The following RAB27B variants were observed in gnomAD, a reference collection of about 807,000 sequenced individuals.
The protein encoded by RAB27B is ras-related protein Rab-27B.
In RAB27B, 15 loss-of-function variants were observed where a neutral mutation model predicts 24.6. The observed-to-expected ratio is 0.61, with a 90% CI of 0.41 to 0.94. The LOEUF is 0.94. Ranked by LOEUF, RAB27B falls within the 40% of genes least tolerant of loss-of-function variation. The probability of loss-of-function intolerance (pLI) is 0.00; values close to 1 mark genes in which losing one functional copy is unlikely to be tolerated. For synonymous variants in RAB27B, 105 were observed against 92.5 expected, an observed-to-expected ratio of 1.14 and a Z score of -0.78; for missense variants, 261 against 266.8, an observed-to-expected ratio of 0.98 and a Z score of 0.15.
At chr18:54,840,274 T>A (rs1003637368) in intron 1 of RAB27B, among the ~76,000 whole-genome samples, 2 of 152,214 alleles carry the variant, frequency 1.3e-5, no homozygotes, top group Admixed American at 1.3e-4. Context: ...TTTTCTACAA[T>A]GCTTAGTGCC....
intron 2 of RAB27B, among the ~76,000 whole-genome samples, chr18:54,788,030 A>G (rs778095176): frequency 1.3e-5 from 2 of 152,228 alleles, no homozygotes; most frequent in Non-Finnish European, 2.9e-5. Context: ...GTGTGTTGCT[A>G]GCACCAGTTA....
chr18:54,856,193 GA>G (rs1911778642), intron 1 of RAB27B, among the ~76,000 whole-genome samples: 1 of 152,222 alleles, frequency 6.6e-6, no homozygotes, highest in Non-Finnish European at 1.5e-5. Context: ...CTCTGTAGAA[GA>G]AAAATTTCAG....
In RAB27B at chr18:54,889,306, C is replaced by A; in HGVS notation, c.550C>A (p.Arg184=). The A allele has an allele frequency of 1.2e-6, 2 of 1,613,138 alleles. No individual in the cohort carries two copies. The highest frequency in any genetic ancestry group is 3.3e-4 in the Middle Eastern group (2 of 6,060). ...VETLLDLIMK[R]MEQCVEKTQI... ...AACCCTTTTGGACTTAATCATGAAGCGAATGGAACAGTGTGTGGAGAAGAC... is the reference window on the plus strand; with the variant it reads ...AACCCTTTTGGACTTAATCATGAAGAGAATGGAACAGTGTGTGGAGAAGAC... Residue 184 remains arginine (R), a synonymous_variant, in exon 6 of 6, where the codon CGA becomes AGA. Transcript: ENST00000262094.
intron 2 of RAB27B, among the ~76,000 whole-genome samples, chr18:54,808,605 T>A (rs961474498): frequency 1.3e-5 from 2 of 152,232 alleles, no homozygotes; most frequent in African/African-American, 4.8e-5. Flanking sequence ...GTGAGTATGC[T>A]AAAAAGGTTA....
intron 2 of RAB27B, among the ~76,000 whole-genome samples, chr18:54,766,214 G>GC (rs1160286800): frequency 6.6e-6 from 1 of 152,086 alleles, no homozygotes; most frequent in Non-Finnish European, 1.5e-5. Context: ...ATAATCAAAA[G>GC]CAGGAAATAA....
At chr18:54,852,090 G>T (rs1468417683) in intron 1 of RAB27B, among the ~76,000 whole-genome samples, 1 of 152,168 alleles carries the variant, frequency 6.6e-6, no homozygotes, top group Non-Finnish European at 1.5e-5. Context: ...TGCACAAAAT[G>T]AGAAATGTTA....
chr18:54,774,619 A>T (rs1908658534), intron 2 of RAB27B, among the ~76,000 whole-genome samples: 1 of 152,250 alleles, frequency 6.6e-6, no homozygotes, highest in Admixed American at 6.5e-5. Context: ...CATTTTAGAG[A>T]GATAGCTAAG....
chr18:54,807,280 C>G (rs1598919009), intron 2 of RAB27B, among the ~76,000 whole-genome samples: 1 of 152,220 alleles, frequency 6.6e-6, no homozygotes, highest in East Asian at 1.9e-4. Flanking sequence ...AGTATTTTTT[C>G]CTGCTCTGAG....
intron 2 of RAB27B, among the ~76,000 whole-genome samples, chr18:54,813,441 T>C (rs1598924191): frequency 6.6e-6 from 1 of 152,202 alleles, no homozygotes; most frequent in Non-Finnish European, 1.5e-5. Flanking sequence ...ATGGGTTGGA[T>C]CCATCATGAA....
At position 54,780,328 on chromosome 18, in the gene RAB27B, C is replaced by CT. The variant is rs397695111; in HGVS notation, c.-20+62188dup. Among the ~76,000 whole-genome samples, 7 of 139,412 alleles carry CT rather than the reference C, an allele frequency of 5.0e-5. 1 individual carries two copies. Among genetic ancestry groups the CT allele is most frequent in the Non-Finnish European group, 4.7e-5 (3 of 64,264 alleles). 91.5% of individuals were successfully genotyped at this position (139,412 alleles called of 152,430 possible). Reference sequence around the variant, plus strand: ...GTCTCCCCCAACCTGAAGGCTTCGCCTCACCGTGTCTCCCCTCTCCTGATG... The same window carrying CT: ...GTCTCCCCCAACCTGAAGGCTTCGCCTTCACCGTGTCTCCCCTCTCCTGATG... On this transcript the variant is annotated intron_variant, in intron 2 of 4. Coordinates refer to the RAB27B transcript ENST00000586570.
intron 2 of RAB27B, among the ~76,000 whole-genome samples, chr18:54,795,359 C>A (rs1339282320): frequency 2.0e-5 from 3 of 152,200 alleles, no homozygotes; most frequent in Non-Finnish European, 4.4e-5. Flanking sequence ...AGGGTTTGAT[C>A]TAGGTCCTCG....
intron 2 of RAB27B, among the ~76,000 whole-genome samples, chr18:54,740,471 A>C (rs1193404370): frequency 2.0e-5 from 3 of 152,214 alleles, no homozygotes; most frequent in Admixed American, 6.5e-5. Flanking sequence ...AACGTAACTC[A>C]TCTGGATATT....
rs1910973666 is a variant in RAB27B at position 54,838,295 on chromosome 18, A to G, written c.-20+9595A>G. Among the ~76,000 whole-genome samples the G allele has an allele frequency of 4.6e-5, 7 of 152,286 alleles. No homozygotes were observed. The South Asian group carries it at 1.5e-3, about 32-fold the overall frequency. On this transcript the variant is annotated intron_variant, in intron 1 of 5. Coordinates refer to ENST00000262094, the MANE Select transcript of RAB27B (RefSeq NM_004163.4). ...AATATTGTCAAGAAATTGACTTGAA[A>G]AACATGTCAAATGATTGACCAAATT...
intron 2 of RAB27B, among the ~76,000 whole-genome samples, chr18:54,743,108 T>C (rs921454618): frequency 6.6e-6 from 1 of 152,224 alleles, no homozygotes; most frequent in African/African-American, 2.4e-5. Flanking sequence ...TCTTATTGCC[T>C]AAGCCAATGA....
chr18:54,824,185 T>C (rs1470164752), upstream of RAB27B, among the ~76,000 whole-genome samples: 1 of 152,232 alleles, frequency 6.6e-6, no homozygotes, highest in Non-Finnish European at 1.5e-5. Context: ...GCATTCCCAA[T>C]ATTTTTATTA....
rs908137101 is a variant in RAB27B at position 54,894,948 on chromosome 18, A to T, written c.*5535A>T. The stretch of plus-strand genomic sequence containing the variant: ...TTGAAAATGTTTAATACATCTCATT[A>T]TTGACAAAATATGTCATCTTGTATT... On this transcript the variant is annotated 3_prime_UTR_variant, in exon 6 of 6. Transcript: ENST00000262094. 4 of 152,096 alleles carry T rather than the reference A, an allele frequency of 2.6e-5. No homozygotes were observed. The highest frequency in any genetic ancestry group is 6.6e-5 in the Admixed American group (1 of 15,242). 9.4% of individuals were successfully genotyped at this position (152,096 alleles called of 1,614,324 possible). A position where few individuals can be genotyped will look rare whatever the true frequency, so the allele number is the denominator to read the frequency against.
At chr18:54,803,633 G>A (rs1048606864) in intron 2 of RAB27B, among the ~76,000 whole-genome samples, 1 of 152,154 alleles carries the variant, frequency 6.6e-6, no homozygotes, top group Non-Finnish European at 1.5e-5. Context: ...ATGATGATAT[G>A]CAATACATTG....
chr18:54,868,835 G>A (rs117567449), intron 1 of RAB27B, among the ~76,000 whole-genome samples: 157 of 152,152 alleles, frequency 1.0e-3, no homozygotes, highest in East Asian at 2.5e-3. Context: ...CCATGTTGGC[G>A]AGGCTGGTCA....
chr18:54,818,722 G>C (rs1910198365), intron 2 of RAB27B, among the ~76,000 whole-genome samples: 1 of 152,162 alleles, frequency 6.6e-6, no homozygotes, highest in African/African-American at 2.4e-5. Flanking sequence ...AATCAGGAGA[G>C]AGGTTTGAAT....
Sources: gnomAD v4.1 joint callset for allele counts (sites outside exome capture counted in the v4.1 genomes callset) on GRCh38, gnomAD v4.1.1 for gene constraint, MANE v1.5 for transcripts, NCBI Gene and HGNC (gene_info 2026-07-23, HGNC 2026-07-21) for gene names.